The following TNRC6B variants were observed in gnomAD, a reference collection of about 807,000 sequenced individuals.
TNRC6B encodes the protein trinucleotide repeat containing adaptor 6B.
In TNRC6B, 52 loss-of-function variants were observed where a neutral mutation model predicts 203.6. That is an observed-to-expected ratio of 0.26 (90% CI 0.20 to 0.32). The LOEUF (loss-of-function observed/expected upper bound fraction) is 0.32, where lower values mean the gene tolerates loss of function less well. Among genes scored for constraint, TNRC6B ranks in the 10% least tolerant of loss-of-function variants. The pLI, the probability that TNRC6B is intolerant of heterozygous loss-of-function variation, is 1.00. For synonymous variants in TNRC6B, 838 were observed against 845.7 expected (o/e 0.99, Z 0.16); for missense variants, 1,923 against 2,286.2 (o/e 0.84, Z 3.24).
chr22:40,112,126 G>A (rs566253552), intron 1 of TNRC6B, among the ~76,000 whole-genome samples: 16 of 152,182 alleles, frequency 1.1e-4, no homozygotes, highest in African/African-American at 3.6e-4. Flanking sequence ...AAGGATGGGT[G>A]TGTAATAAAA....
intron 4 of TNRC6B, among the ~76,000 whole-genome samples, chr22:40,168,849 C>T (rs2068944662): frequency 6.6e-6 from 1 of 152,228 alleles, no homozygotes; most frequent in Non-Finnish European, 1.5e-5. Flanking sequence ...TTCAAACTCT[C>T]ACCTCCTCCC....
At chr22:40,141,500 A>G (rs906579001) in intron 3 of TNRC6B, among the ~76,000 whole-genome samples, 3 of 152,064 alleles carry the variant, frequency 2.0e-5, no homozygotes, top group South Asian at 4.1e-4. Context: ...AAGAAATAAA[A>G]TAAGGATATA....
chr22:40,294,949 C>T (rs983467676), intron 12 of TNRC6B, among the ~76,000 whole-genome samples: 1 of 152,128 alleles, frequency 6.6e-6, no homozygotes, highest in East Asian at 1.9e-4. Flanking sequence ...TTGGAGTACA[C>T]CTATTAAAAT....
intron 15 of TNRC6B, among the ~76,000 whole-genome samples, chr22:40,306,227 G>C (rs2146556515): frequency 6.6e-6 from 1 of 152,328 alleles, no homozygotes; most frequent in South Asian, 2.1e-4. Context: ...CAGAGGCGAA[G>C]GTTGCAGTGA....
chr22:40,225,903 G>C (rs2069779224), intron 1 of TNRC6B, among the ~76,000 whole-genome samples: 1 of 152,154 alleles, frequency 6.6e-6, no homozygotes, highest in African/African-American at 2.4e-5. Context: ...ATAGAGACTT[G>C]GATGTCATTT....
At chr22:40,165,565 T>G (rs184664540) in intron 4 of TNRC6B, among the ~76,000 whole-genome samples, 113 of 152,306 alleles carry the variant, frequency 7.4e-4, no homozygotes, top group Non-Finnish European at 1.4e-3. Flanking sequence ...TATAGGCCAG[T>G]GTATTAGTCC....
At chr22:40,180,620 A>G (rs560037611) in intron 1 of TNRC6B, among the ~76,000 whole-genome samples, 3 of 152,356 alleles carry the variant, frequency 2.0e-5, no homozygotes, top group South Asian at 2.1e-4. Flanking sequence ...TGGCTCACCA[A>G]CACGATGGTC....
intron 1 of TNRC6B, among the ~76,000 whole-genome samples, chr22:40,073,858 G>A (rs1445357756): frequency 1.3e-5 from 2 of 152,074 alleles, no homozygotes; most frequent in Non-Finnish European, 2.9e-5. Context: ...AGGAGTTCGA[G>A]ACCAACCTGG....
intron 4 of TNRC6B, among the ~76,000 whole-genome samples, chr22:40,158,917 A>G (rs2068844707): frequency 6.6e-6 from 1 of 152,154 alleles, no homozygotes; most frequent in African/African-American, 2.4e-5. Context: ...GATTATTACT[A>G]TACTTTGTAA....
rs553290611 is a variant in TNRC6B, at chr22:40,073,577, AAACTTAACTATAAAATC to A, written c.-121+28586_-121+28602del. ...GGAAAAAATACTGGTCAATGAAGGG[AAACTTAACTATAAAATC>A]AACTTAGTAGAAATAAACCATTAAG... On this transcript the variant is annotated intron_variant, in intron 1 of 23. Coordinates refer to the TNRC6B transcript ENST00000301923. 3.9e-3 allele frequency among the ~76,000 whole-genome samples: 586 copies of A among 152,188 alleles called. 5 individuals carry two copies. The highest frequency in any genetic ancestry group is 0.011 in the Admixed American group (167 of 15,282).
At chr22:40,060,187 A>G (rs1305827256) in intron 1 of TNRC6B, among the ~76,000 whole-genome samples, 6 of 150,090 alleles carry the variant, frequency 4.0e-5, no homozygotes, top group Non-Finnish European at 7.4e-5. Flanking sequence ...TTTAACATAA[A>G]AAATGCACAT....
intron 1 of TNRC6B, among the ~76,000 whole-genome samples, chr22:40,186,914 C>T (rs1484905605): frequency 2.0e-5 from 3 of 151,912 alleles, no homozygotes; most frequent in Non-Finnish European, 4.4e-5. Context: ...CTTAGGCTTA[C>T]AACACATTTC....
At chr22:40,250,814 T>G (rs2070180971) in intron 2 of TNRC6B, among the ~76,000 whole-genome samples, 1 of 152,210 alleles carries the variant, frequency 6.6e-6, no homozygotes, top group African/African-American at 2.4e-5. Context: ...TAGGGGAATC[T>G]TTTTGTGTCT....
At chr22:40,229,457 T>TTC (rs1466923386) in intron 1 of TNRC6B, among the ~76,000 whole-genome samples, 1 of 151,336 alleles carries the variant, frequency 6.6e-6, no homozygotes, top group African/African-American at 2.5e-5. Context: ...TTTTTTTTTT[T>TTC]CTCTCTCTTC....
Position 40,322,971 on chromosome 22 carries a change from G to A in TNRC6B, c.5232G>A (p.Ala1744=), listed in dbSNP as rs41281263. The A allele has an allele frequency of 1.7e-5, 27 of 1,612,370 alleles. No individual in the cohort carries two copies. Among genetic ancestry groups the A allele is most frequent in the South Asian group, 1.7e-4 (15 of 90,806 alleles). The part of the protein sequence containing the change: ...TPAATPSAPA[A]GWQSLETGQN... Reference sequence around the variant, plus strand: ...CAGCAACCCCAAGTGCGCCAGCTGCGGGGTGGCAGTCGCTGGAGACCGGCC... The same window carrying A: ...CAGCAACCCCAAGTGCGCCAGCTGCAGGGTGGCAGTCGCTGGAGACCGGCC... Residue 1744 remains alanine, a synonymous_variant, in exon 23 of 23, where the codon GCG becomes GCA. Transcript: ENST00000454349.
At chr22:40,050,657 A>G (rs980673983) in intron 1 of TNRC6B, among the ~76,000 whole-genome samples, 5 of 152,106 alleles carry the variant, frequency 3.3e-5, no homozygotes, top group Admixed American at 1.3e-4. Flanking sequence ...TGTCACCACA[A>G]TTCATGATTC....
intron 4 of TNRC6B, among the ~76,000 whole-genome samples, chr22:40,171,723 T>C (rs2069001551): frequency 6.6e-6 from 1 of 152,206 alleles, no homozygotes; most frequent in African/African-American, 2.4e-5. Flanking sequence ...AGTGAAATAT[T>C]TACTGTGGAC....
At chr22:40,316,311 G>A (rs1266316654) in intron 21 of TNRC6B, among the ~76,000 whole-genome samples, 4 of 150,664 alleles carry the variant, frequency 2.7e-5, no homozygotes, top group Non-Finnish European at 5.9e-5. Context: ...CCAAGATTGC[G>A]CTAGTGCACT....
At chr22:40,072,861 CAAAAAAAAAAAA>C (rs767881898) in intron 1 of TNRC6B, among the ~76,000 whole-genome samples, 3 of 46,534 alleles carry the variant, frequency 6.4e-5, no homozygotes, top group Non-Finnish European at 9.2e-5. Flanking sequence ...GAGATTCTCT[CAAAAAAAAAAAA>C]AAAAAAAAAA....
Sources: allele counts gnomAD v4.1 joint callset (sites outside exome capture counted in the v4.1 genomes callset), GRCh38; gene constraint gnomAD v4.1.1; transcripts MANE v1.5; gene names NCBI Gene and HGNC (gene_info 2026-07-23, HGNC 2026-07-21).